The following PRR16 variants were observed in gnomAD, a reference collection of about 807,000 sequenced individuals.
The protein encoded by PRR16 is protein Largen.
PRR16 carries 6 observed loss-of-function variants against 18.2 expected under a neutral mutation model. The ratio of observed to expected loss-of-function variants is 0.33; its 90% CI spans 0.18 to 0.65. The LOEUF (loss-of-function observed/expected upper bound fraction) is 0.65. Among genes scored for constraint, PRR16 ranks in the 30% least tolerant of loss-of-function variants. The pLI is 0.74. For missense variants in PRR16, 412 were observed against 376.6 expected (o/e 1.09, Z -0.78); for synonymous variants, 151 against 147.8 (o/e 1.02, Z -0.16).
At chr5:120,642,443 T>G (rs1351230716) in intron 1 of PRR16, among the ~76,000 whole-genome samples, 1 of 152,044 alleles carries the variant, frequency 6.6e-6, no homozygotes, top group East Asian at 1.9e-4. Flanking sequence ...GATATCTTGC[T>G]GGATAACACA....
intron 1 of PRR16, among the ~76,000 whole-genome samples, chr5:120,518,134 T>C (rs1157569398): frequency 6.6e-6 from 1 of 152,134 alleles, no homozygotes; most frequent in Non-Finnish European, 1.5e-5. Context: ...ATCTTTTTTA[T>C]CTAGAAAGAG....
At chr5:120,534,942 T>TA (rs1163214475) in intron 1 of PRR16, among the ~76,000 whole-genome samples, 1 of 152,222 alleles carries the variant, frequency 6.6e-6, no homozygotes, top group Non-Finnish European at 1.5e-5. Flanking sequence ...CTAAATATTT[T>TA]ATCAGGACTT....
intron 1 of PRR16, among the ~76,000 whole-genome samples, chr5:120,497,622 C>T (rs1750299294): frequency 6.6e-6 from 1 of 151,604 alleles, no homozygotes; most frequent in Admixed American, 6.6e-5. Flanking sequence ...AACTCCTGAC[C>T]CTGTGATCTG....
chr5:120,729,725 C>T, the PRR16 span, among the ~76,000 whole-genome samples: 1 of 152,044 alleles, frequency 6.6e-6, no homozygotes, highest in South Asian at 2.1e-4. Context: ...AGTGGAGAGT[C>T]TTAGAAAGTT....
At chr5:120,495,737 G>A (rs1394388684) in intron 1 of PRR16, among the ~76,000 whole-genome samples, 4 of 151,916 alleles carry the variant, frequency 2.6e-5, no homozygotes, top group African/African-American at 9.7e-5. Context: ...GATATTTTAT[G>A]TAGACAATCG....
At chr5:120,553,856 T>C (rs1752332796) in intron 1 of PRR16, among the ~76,000 whole-genome samples, 1 of 151,866 alleles carries the variant, frequency 6.6e-6, no homozygotes, top group African/African-American at 2.4e-5. Flanking sequence ...ATAGTAGTCA[T>C]TGAATGAGAT....
At chr5:120,737,588 G>T in the PRR16 span, among the ~76,000 whole-genome samples, 2 of 150,908 alleles carry the variant, frequency 1.3e-5, no homozygotes, top group African/African-American at 4.9e-5. Flanking sequence ...TCAGAATAAT[G>T]CTGATCTCAT....
At chr5:120,725,413 T>G in the PRR16 span, among the ~76,000 whole-genome samples, 1 of 151,744 alleles carries the variant, frequency 6.6e-6, no homozygotes, top group Non-Finnish European at 1.5e-5. Flanking sequence ...CCCAGTGCTT[T>G]GCGAGTCCAA....
At chr5:120,705,851 A>G in the PRR16 span, among the ~76,000 whole-genome samples, 2 of 152,162 alleles carry the variant, frequency 1.3e-5, no homozygotes, top group Admixed American at 6.5e-5. Flanking sequence ...GATGATGTGG[A>G]TAGAAAAAAA....
intron 1 of PRR16, among the ~76,000 whole-genome samples, chr5:120,519,418 G>T (rs2112649270): frequency 6.6e-6 from 1 of 152,238 alleles, no homozygotes; most frequent in Admixed American, 6.5e-5. Flanking sequence ...TAGAATTTGT[G>T]TTAGGAATCT....
At chr5:120,695,243 A>C in the PRR16 span, among the ~76,000 whole-genome samples, 1 of 152,152 alleles carries the variant, frequency 6.6e-6, no homozygotes, top group Non-Finnish European at 1.5e-5. Flanking sequence ...TGTGATATTG[A>C]AAATACAGTA....
At chr5:120,609,654 T>C (rs1754272324) in intron 1 of PRR16, among the ~76,000 whole-genome samples, 1 of 152,208 alleles carries the variant, frequency 6.6e-6, no homozygotes, top group Non-Finnish European at 1.5e-5. Flanking sequence ...TTTTAAAACA[T>C]GTTATTTTGA....
chr5:120,655,637 A>G (rs917713189), intron 1 of PRR16, among the ~76,000 whole-genome samples: 5 of 151,848 alleles, frequency 3.3e-5, no homozygotes, highest in African/African-American at 1.2e-4. Flanking sequence ...GGGATTGTAC[A>G]TTAAAACACC....
At chr5:120,663,739 G>T (rs1318203715) in intron 1 of PRR16, among the ~76,000 whole-genome samples, 1 of 152,064 alleles carries the variant, frequency 6.6e-6, no homozygotes, top group African/African-American at 2.4e-5. Flanking sequence ...TTTGGGAAAG[G>T]ATTATTATTA....
chr5:120,665,413 T>C (rs1330235952), intron 1 of PRR16, among the ~76,000 whole-genome samples: 1 of 152,016 alleles, frequency 6.6e-6, no homozygotes, highest in African/African-American at 2.4e-5. Flanking sequence ...AGGTTGCCTG[T>C]TCACTCTGAT....
At chr5:120,730,956 C>T in the PRR16 span, among the ~76,000 whole-genome samples, 1 of 152,108 alleles carries the variant, frequency 6.6e-6, no homozygotes, top group East Asian at 1.9e-4. Context: ...TTCATATGGT[C>T]ATTAGAGTTA....
At chr5:120,614,753 C>G (rs1561574951) in intron 1 of PRR16, among the ~76,000 whole-genome samples, 1 of 152,134 alleles carries the variant, frequency 6.6e-6, no homozygotes, top group Non-Finnish European at 1.5e-5. Flanking sequence ...TCTCAGCCAA[C>G]CAGCAGAACA....
chr5:120,702,039 TAGA>T, the PRR16 span, among the ~76,000 whole-genome samples: 2 of 150,606 alleles, frequency 1.3e-5, no homozygotes, highest in Non-Finnish European at 3.0e-5. Flanking sequence ...GCCAAGGGAG[TAGA>T]AGAAGGAATG....
the PRR16 span, among the ~76,000 whole-genome samples, chr5:120,777,597 T>C: frequency 8.5e-5 from 13 of 152,216 alleles, no homozygotes; most frequent in African/African-American, 1.7e-4. Flanking sequence ...AATCTACACT[T>C]GTCAGATGAG....
Sources: allele counts gnomAD v4.1 joint callset (sites outside exome capture counted in the v4.1 genomes callset), GRCh38; gene constraint gnomAD v4.1.1; transcripts MANE v1.5; gene names NCBI Gene and HGNC (gene_info 2026-07-23, HGNC 2026-07-21).